Variants in TMEM132C observed in about 807,000 individuals in gnomAD.
TMEM132C encodes the protein protein phosphatase 1, regulatory subunit 152.
TMEM132C carries 29 observed loss-of-function variants against 61.4 expected under a neutral mutation model. That is an observed-to-expected ratio of 0.47 (90% CI 0.35 to 0.64). The LOEUF is 0.64. Ranked by LOEUF, TMEM132C falls within the 30% of genes least tolerant of loss-of-function variation. The probability of loss-of-function intolerance (pLI) is 0.00; values close to 1 mark genes in which losing one functional copy is unlikely to be tolerated. For synonymous variants in TMEM132C, 656 were observed against 633.1 expected (o/e 1.04, Z -0.54); for missense variants, 1,408 against 1,476.9 (o/e 0.95, Z 0.76).
At chr12:128,472,067 C>T (rs1870970789) in intron 2 of TMEM132C, among the ~76,000 whole-genome samples, 1 of 152,080 alleles carries the variant, frequency 6.6e-6, no homozygotes, top group Non-Finnish European at 1.5e-5. Context: ...ATGGTGCTTC[C>T]CCAAGAGACC....
chr12:128,522,849 C>G (rs909227727), intron 2 of TMEM132C, among the ~76,000 whole-genome samples: 8 of 152,106 alleles, frequency 5.3e-5, no homozygotes, highest in Non-Finnish European at 1.2e-4. Context: ...AACCCTAACC[C>G]AGACTGTTAA....
chr12:128,409,745 G>A (rs11059680), intron 1 of TMEM132C, among the ~76,000 whole-genome samples: 52,259 of 151,984 alleles, frequency 0.34, 10,832 homozygotes, highest in Non-Finnish European at 0.46. Flanking sequence ...CACTCGGTGT[G>A]CTGAATCTCA....
chr12:128,506,605 T>A (rs1162891269), intron 2 of TMEM132C, among the ~76,000 whole-genome samples: 1 of 152,154 alleles, frequency 6.6e-6, no homozygotes, highest in East Asian at 1.9e-4. Context: ...TGTGGGTAGG[T>A]TTCATGGAGA....
At position 128,706,259 on chromosome 12, in the gene TMEM132C, T is replaced by G; in HGVS notation, c.3291T>G (p.Leu1097=). The G allele has an allele frequency of 4.5e-6, 7 of 1,549,674 alleles. No homozygotes were observed. The highest frequency in any genetic ancestry group is 6.1e-6 in the Non-Finnish European group (7 of 1,145,818). The part of the protein sequence containing the change: ...QDVAVGAPKE[L]RNYLEKLKDK... ...TGGCTGTGGGTGCCCCCAAGGAACT[T>G]AGAAACTATCTGGAGAAACTCAAAG... Residue 1097 remains leucine, a synonymous_variant, in exon 9 of 9, where the codon CTT becomes CTG. Transcript: ENST00000435159.
intron 4 of TMEM132C, among the ~76,000 whole-genome samples, chr12:128,653,051 A>G (rs34965486): frequency 1.4e-4 from 21 of 152,340 alleles, no homozygotes; most frequent in Admixed American, 4.6e-4. Flanking sequence ...AGAAAGAAAT[A>G]TACAAAATGT....
intron 3 of TMEM132C, among the ~76,000 whole-genome samples, chr12:128,567,393 T>C (rs943744065): frequency 2.0e-5 from 3 of 150,964 alleles, no homozygotes; most frequent in Non-Finnish European, 2.9e-5. Flanking sequence ...ACTTTGAAAG[T>C]TGCTAAGAGA....
chr12:128,525,701 C>T (rs1310279800), intron 2 of TMEM132C, among the ~76,000 whole-genome samples: 2 of 152,148 alleles, frequency 1.3e-5, no homozygotes, highest in East Asian at 1.9e-4. Context: ...TCAGCCTCTC[C>T]GTGCCCCAGG....
intron 1 of TMEM132C, among the ~76,000 whole-genome samples, chr12:128,290,280 C>T (rs770535287): frequency 7.9e-5 from 12 of 151,988 alleles, no homozygotes; most frequent in Non-Finnish European, 1.3e-4. Flanking sequence ...ACTGGGAGGC[C>T]TCAGGAAACT....
At chr12:128,292,208 T>C (rs147071074) in intron 1 of TMEM132C, among the ~76,000 whole-genome samples, 93 of 152,364 alleles carry the variant, frequency 6.1e-4, no homozygotes, top group African/African-American at 2.1e-3. Flanking sequence ...TTTTTTCTTA[T>C]GCACATTCAA....
At chr12:128,333,751 G>A (rs1437799651) in intron 1 of TMEM132C, among the ~76,000 whole-genome samples, 1 of 150,974 alleles carries the variant, frequency 6.6e-6, no homozygotes, top group African/African-American at 2.4e-5. Context: ...TGTGTGTGCT[G>A]TATATTTGAG....
At chr12:128,690,217 A>G (rs1364301097) in intron 5 of TMEM132C, among the ~76,000 whole-genome samples, 1 of 152,190 alleles carries the variant, frequency 6.6e-6, no homozygotes, top group African/African-American at 2.4e-5. Flanking sequence ...GAGTGAGTGG[A>G]GTTCAGTGGG....
chr12:128,654,457 C>T (rs534559185), intron 4 of TMEM132C, among the ~76,000 whole-genome samples: 89 of 152,158 alleles, frequency 5.8e-4, no homozygotes, highest in Non-Finnish European at 1.0e-3. Flanking sequence ...AAATTTCAGT[C>T]GTTGTATGCC....
At chr12:128,275,224 C>G (rs558397639) in intron 1 of TMEM132C, among the ~76,000 whole-genome samples, 2 of 152,328 alleles carry the variant, frequency 1.3e-5, no homozygotes, top group South Asian at 4.1e-4. Flanking sequence ...GGCTGCAGAG[C>G]AGGAGGTGAG....
At chr12:128,469,186 G>C (rs1870846498) in intron 2 of TMEM132C, among the ~76,000 whole-genome samples, 2 of 152,286 alleles carry the variant, frequency 1.3e-5, no homozygotes, top group South Asian at 4.1e-4. Flanking sequence ...GCCATTTCCA[G>C]AAGAGATCTG....
intron 3 of TMEM132C, among the ~76,000 whole-genome samples, chr12:128,590,808 C>T (rs1477815721): frequency 2.0e-5 from 3 of 152,130 alleles, no homozygotes; most frequent in East Asian, 1.9e-4. Flanking sequence ...GACAGGGCCT[C>T]GCTCTGTCAC....
At chr12:128,582,691 T>G (rs1875391459) in intron 3 of TMEM132C, among the ~76,000 whole-genome samples, 1 of 152,216 alleles carries the variant, frequency 6.6e-6, no homozygotes, top group Non-Finnish European at 1.5e-5. Context: ...AAAAAGTGCC[T>G]TTTGACTCCC....
At chr12:128,386,243 A>G (rs1382046886) in intron 1 of TMEM132C, among the ~76,000 whole-genome samples, 2 of 152,126 alleles carry the variant, frequency 1.3e-5, no homozygotes, top group Admixed American at 6.5e-5. Context: ...TTTATGACCC[A>G]TCCAGCAGAC....
rs1333224525 is a variant in TMEM132C, at chr12:128,431,087, G to C, written c.974+15467G>C. On this transcript the variant is annotated intron_variant, in intron 2 of 8. Coordinates refer to ENST00000435159, the MANE Select transcript of TMEM132C (RefSeq NM_001136103.3). Reference sequence around the variant, plus strand: ...TAGGCCTCTTATGCCAGTTACCCAAGTTGCGAACGCAAAGGAAAGTTCTGG... The same window carrying C: ...TAGGCCTCTTATGCCAGTTACCCAACTTGCGAACGCAAAGGAAAGTTCTGG... 4.6e-5 allele frequency among the ~76,000 whole-genome samples: 7 copies of C among 152,234 alleles called. No homozygotes were observed. The East Asian group carries it at 1.3e-3, about 29-fold the overall frequency.
At chr12:128,666,267 TCATACA>T (rs532752411) in intron 4 of TMEM132C, among the ~76,000 whole-genome samples, 41 of 136,766 alleles carry the variant, frequency 3.0e-4, no homozygotes, top group South Asian at 2.4e-3. Flanking sequence ...TCACAGGCAC[TCATACA>T]CAAACACAGG....
Sources: gnomAD v4.1 joint callset for allele counts (sites outside exome capture counted in the v4.1 genomes callset) on GRCh38, gnomAD v4.1.1 for gene constraint, MANE v1.5 for transcripts, NCBI Gene and HGNC (gene_info 2026-07-23, HGNC 2026-07-21) for gene names.